The following DOCK10 variants were observed in gnomAD, a reference collection of about 807,000 sequenced individuals.
DOCK10 encodes dedicator of cytokinesis 10, also known as dedicator of cytokinesis protein 10.
DOCK10 carries 145 observed loss-of-function variants against 280.1 expected under a neutral mutation model. That is an observed-to-expected ratio of 0.52 (90% CI 0.45 to 0.59). DOCK10 has a LOEUF of 0.59. Ranked by LOEUF, DOCK10 falls within the 20% of genes least tolerant of loss-of-function variation. The pLI, the probability that DOCK10 is intolerant of heterozygous loss-of-function variation, is 0.00. For missense variants in DOCK10, 2,368 were observed against 2,651.7 expected (o/e 0.89, Z 2.35); for synonymous variants, 915 against 942.2 (o/e 0.97, Z 0.53).
Position 224,770,576 on chromosome 2 carries a change from T to C in DOCK10, c.6274A>G (p.Asn2092Asp). The C allele has an allele frequency of 6.2e-7, 1 of 1,614,016 alleles. No homozygotes were observed. Among genetic ancestry groups the C allele is most frequent in the African/African-American group, 1.3e-5 (1 of 75,074 alleles). ...EETNAKKYPDNQVKLLKEIFR... is the reference protein window; with the variant it reads ...EETNAKKYPDDQVKLLKEIFR... Reference sequence around the variant, plus strand: ...ATCTCCTTCAAAAGCTTTACTTGGTTGTCAGGGTACTTCTTTGCATTGGTT... The same window carrying C: ...ATCTCCTTCAAAAGCTTTACTTGGTCGTCAGGGTACTTCTTTGCATTGGTT... The change falls in exon 54 of 56, where the codon AAC (asparagine) becomes GAC (aspartate). Residue 2092 changes from asparagine (N) to aspartate (D), a missense_variant. Asn to Asp is a conservative substitution (Grantham distance 23). Around this residue, in one of 2 missense-constraint regions of DOCK10, gnomAD observed 1,159 missense variants for 1,400.8 expected, o/e 0.83. Coordinates refer to ENST00000258390, the MANE Select transcript of DOCK10 (RefSeq NM_014689.3). The surrounding 1 kb of genome is among the most constrained non-coding windows in gnomAD (Gnocchi z 4.5).
At chr2:224,846,346 A>G (rs945993093) in intron 19 of DOCK10, among the ~76,000 whole-genome samples, 2 of 152,202 alleles carry the variant, frequency 1.3e-5, no homozygotes, top group African/African-American at 2.4e-5. Context: ...CGTGCCTCCC[A>G]AAGTGCGGCT....
chr2:225,036,217 T>C (rs1414336231), intron 1 of DOCK10, among the ~76,000 whole-genome samples: 1 of 152,184 alleles, frequency 6.6e-6, no homozygotes, highest in African/African-American at 2.4e-5. Flanking sequence ...AATTTTTTCT[T>C]AACCTGGAAA....
Position 224,807,654 on chromosome 2 carries a change from T to C in DOCK10, c.3702+14A>G, listed in dbSNP as rs760419079. The C allele has an allele frequency of 3.5e-6, 5 of 1,444,642 alleles. No homozygotes were observed. In the East Asian group the frequency reaches 1.2e-4, roughly 35 times the overall value. The allele number at this position is 1,444,642 out of a possible 1,614,324, so 89.5% of individuals were successfully genotyped here. Reference sequence around the variant, plus strand: ...TTTATTAACATAGAAATGTGACATATTGTGCAAACGTACCTGATTAGATGT... The same window carrying C: ...TTTATTAACATAGAAATGTGACATACTGTGCAAACGTACCTGATTAGATGT... On this transcript the variant is annotated intron_variant, in intron 33 of 55. Coordinates refer to ENST00000258390, the MANE Select transcript of DOCK10 (RefSeq NM_014689.3).
intron 1 of DOCK10, among the ~76,000 whole-genome samples, chr2:224,988,910 C>G (rs1209359362): frequency 6.6e-6 from 1 of 152,138 alleles, no homozygotes; most frequent in Non-Finnish European, 1.5e-5. Context: ...ACGTAATGGG[C>G]TCCCTTTATC....
At chr2:225,007,321 A>C (rs183289600) in intron 1 of DOCK10, among the ~76,000 whole-genome samples, 28 of 152,276 alleles carry the variant, frequency 1.8e-4, no homozygotes, top group Admixed American at 1.6e-3. Context: ...CTCTCTCTTG[A>C]CTTTGTTAAA....
chr2:224,781,242 G>T (rs527434991), intron 50 of DOCK10, among the ~76,000 whole-genome samples: 5 of 152,164 alleles, frequency 3.3e-5, no homozygotes, highest in African/African-American at 1.2e-4. Context: ...ATTATAAAAG[G>T]TCTGTTGAAG....
At chr2:224,997,217 CCCTTCCTTCCTTCCTT>C (rs112083031) in intron 1 of DOCK10, among the ~76,000 whole-genome samples, 1 of 146,536 alleles carries the variant, frequency 6.8e-6, no homozygotes, top group Non-Finnish European at 1.5e-5. Context: ...TTCCCTCCCT[CCCTTCCTTCCTTCCTT>C]CCTTCCTTCT....
intron 19 of DOCK10, among the ~76,000 whole-genome samples, chr2:224,847,178 G>A (rs1696419429): frequency 6.6e-6 from 1 of 152,176 alleles, no homozygotes; most frequent in Non-Finnish European, 1.5e-5. Flanking sequence ...GGAAAGAATT[G>A]TTTTCAACTA....
chr2:224,933,498 C>T (rs1702514269), intron 1 of DOCK10, among the ~76,000 whole-genome samples: 1 of 152,218 alleles, frequency 6.6e-6, no homozygotes, highest in Non-Finnish European at 1.5e-5. Flanking sequence ...ACTGCCCCCA[C>T]AGGCCTTCAA....
chr2:224,896,253 A>G (rs909369077), intron 4 of DOCK10, 42 bp downstream of exon 4: 1 of 1,160,972 alleles, frequency 8.6e-7, no homozygotes, highest in Non-Finnish European at 1.3e-6. Flanking sequence ...GATGTCATCT[A>G]TATTTGGAAA....
rs546038701 is a variant in DOCK10, at chr2:224,817,255, T to C, written c.3268-542A>G. Among the ~76,000 whole-genome samples, 4 of 152,324 alleles carry C rather than the reference T, an allele frequency of 2.6e-5. No individual in the cohort carries two copies. The East Asian group carries it at 7.7e-4, about 29-fold the overall frequency. Reference sequence around the variant, plus strand: ...GCAAATAGGTCTGTCTTTGCAATAATGTTTGAGTTAGATGGAGAGAAATGG... The same window carrying C: ...GCAAATAGGTCTGTCTTTGCAATAACGTTTGAGTTAGATGGAGAGAAATGG... On this transcript the variant is annotated intron_variant, in intron 29 of 55. Coordinates refer to ENST00000258390, the MANE Select transcript of DOCK10 (RefSeq NM_014689.3).
chr2:225,003,795 G>T (rs1227217059), intron 1 of DOCK10, among the ~76,000 whole-genome samples: 1 of 152,072 alleles, frequency 6.6e-6, no homozygotes, highest in African/African-American at 2.4e-5. Context: ...GATAAAATAA[G>T]GCCAGTGACT....
intron 1 of DOCK10, among the ~76,000 whole-genome samples, chr2:224,934,287 G>C (rs548509452): frequency 6.6e-6 from 1 of 152,210 alleles, no homozygotes; most frequent in South Asian, 2.1e-4. Flanking sequence ...ATATTGCACT[G>C]GGGTTATTTT....
chr2:224,792,022 T>C (rs958368546), intron 47 of DOCK10, among the ~76,000 whole-genome samples: 2 of 152,278 alleles, frequency 1.3e-5, no homozygotes, highest in Admixed American at 6.5e-5. Flanking sequence ...GTTCATAAAA[T>C]TTGGATTCAA....
chr2:224,946,786 T>A, intron 1 of DOCK10: 1 of 1,345,820 alleles, frequency 7.4e-7, no homozygotes, highest in Non-Finnish European at 1.0e-6. Flanking sequence ...GAGCTAATCA[T>A]TTTTGAAAGA....
At chr2:224,965,504 A>G (rs1483503723) in intron 1 of DOCK10, among the ~76,000 whole-genome samples, 1 of 152,170 alleles carries the variant, frequency 6.6e-6, no homozygotes, top group African/African-American at 2.4e-5. Flanking sequence ...TTATCCCTCT[A>G]TTGAAACCTC....
rs1310221679 is a variant in DOCK10 at position 224,794,950 on chromosome 2, T to A, written c.5083A>T (p.Thr1695Ser). The A allele has an allele frequency of 6.2e-7, 1 of 1,613,746 alleles. No homozygotes were observed. The highest frequency in any genetic ancestry group is 1.3e-5 in the African/African-American group (1 of 74,978). ...QYSLANSYAS[T>S]PELRRTWLES... ...AGCCAGGTCCTGCGTAGTTCAGGAG[T>A]GCTTGCGTAGGAGTTTGCCAGGCTG... The change falls in exon 45 of 56, where the codon ACT becomes TCT. Residue 1695 changes from threonine to serine, a missense_variant. Physicochemically the swap from Thr to Ser is moderately conservative, Grantham distance 58. Coordinates refer to ENST00000258390, the MANE Select transcript of DOCK10 (RefSeq NM_014689.3).
At position 224,875,913 on chromosome 2, in the gene DOCK10, G is replaced by A. The variant is rs1698598231; in HGVS notation, c.931+125C>T. 2.0e-5 allele frequency: 18 copies of A among 907,070 alleles called. No homozygotes were observed. The South Asian group carries it at 3.2e-4, about 16-fold the overall frequency. The allele number at this position is 907,070 out of a possible 1,614,324, so 56.2% of individuals were successfully genotyped here. A position where few individuals can be genotyped will look rare whatever the true frequency, so the allele number is the denominator to read the frequency against. On this transcript the variant is annotated intron_variant, in intron 8 of 55. Coordinates refer to ENST00000258390, the MANE Select transcript of DOCK10 (RefSeq NM_014689.3). The stretch of plus-strand genomic sequence containing the variant: ...ATTTAGGAGTGATTTAGTGATTCTT[G>A]GAACAAACAGCCCCAGGATGGATGA...
intron 14 of DOCK10, chr2:224,862,409 A>T: frequency 3.0e-6 from 1 of 334,832 alleles, no homozygotes; most frequent in South Asian, 7.3e-5. Context: ...GATATCTACC[A>T]AGAACCCATA....
Sources: allele counts gnomAD v4.1 joint callset (sites outside exome capture counted in the v4.1 genomes callset), GRCh38; gene constraint gnomAD v4.1.1; regional missense constraint gnomAD v4.1.1; non-coding constraint Gnocchi (gnomAD v3.1); transcripts MANE v1.5; gene names NCBI Gene and HGNC (gene_info 2026-07-23, HGNC 2026-07-21).